CDRT4: variants seen among roughly 807,000 people sequenced by gnomAD.
CDRT4 encodes CMT1A duplicated region transcript 4 protein.
For synonymous variants in CDRT4, 64 were observed against 69.6 expected, an observed-to-expected ratio of 0.92 and a Z score of 0.40; for missense variants, 167 against 193.1, an observed-to-expected ratio of 0.87 and a Z score of 0.80.
At chr17:15,441,307 T>C (rs550180727) in intron 2 of CDRT4, among the ~76,000 whole-genome samples, 1 of 152,204 alleles carries the variant, frequency 6.6e-6, no homozygotes, top group Non-Finnish European at 1.5e-5. Flanking sequence ...TAGAATCACC[T>C]GGAGACCTTG....
At chr17:15,463,273 G>C (rs931615119) in intron 1 of CDRT4, among the ~76,000 whole-genome samples, 1 of 152,022 alleles carries the variant, frequency 6.6e-6, no homozygotes, top group Non-Finnish European at 1.5e-5. Context: ...GGTGGAGAAC[G>C]CAAAGCCTGG....
At chr17:15,465,603 C>T (rs74325536) in intron 1 of CDRT4, among the ~76,000 whole-genome samples, 3,761 of 152,142 alleles carry the variant, frequency 0.025, 152 homozygotes, top group African/African-American at 0.086. Flanking sequence ...CACAGACACA[C>T]ATACACCAGC....
At chr17:15,448,250 C>T (rs1230052458) in intron 2 of CDRT4, among the ~76,000 whole-genome samples, 1 of 152,130 alleles carries the variant, frequency 6.6e-6, no homozygotes, top group East Asian at 1.9e-4. Context: ...AGAAGAAGCC[C>T]CAGTCTCCAC....
intron 1 of CDRT4, among the ~76,000 whole-genome samples, chr17:15,460,250 G>T (rs1173274967): frequency 6.6e-6 from 1 of 151,952 alleles, no homozygotes; most frequent in Non-Finnish European, 1.5e-5. Context: ...CACCCCTAAT[G>T]AACCTGTTGC....
At chr17:15,456,407 G>C (rs1246850830) in intron 1 of CDRT4, among the ~76,000 whole-genome samples, 1 of 152,124 alleles carries the variant, frequency 6.6e-6, no homozygotes, top group Non-Finnish European at 1.5e-5. Flanking sequence ...TGAAAACTAA[G>C]TAAAAATGTT....
At chr17:15,456,760 G>A (rs979271816) in intron 1 of CDRT4, among the ~76,000 whole-genome samples, 34 of 152,254 alleles carry the variant, frequency 2.2e-4, no homozygotes, top group African/African-American at 7.9e-4. Flanking sequence ...ACTCTGTGGA[G>A]CCCTGGTCAT....
At position 15,447,572 on chromosome 17, in the gene CDRT4, C is replaced by T. The variant is rs560089944; in HGVS notation, c.-48+5432G>A. 4.9e-4 allele frequency among the ~76,000 whole-genome samples: 74 copies of T among 152,196 alleles called. 2 individuals are homozygous for T. Among genetic ancestry groups the T allele is most frequent in the Non-Finnish European group, 1.5e-4 (10 of 68,010 alleles). On this transcript the variant is annotated intron_variant, in intron 2 of 3. Coordinates refer to ENST00000619038, the MANE Select transcript of CDRT4 (RefSeq NM_001204477.2). ...GAAGAAACACTTTATAAATTCACTG[C>T]GGGAAGAAGCATTAGGCACTGTATA... is the stretch of plus-strand genomic sequence containing the variant.
At chr17:15,459,726 A>C (rs1171211667) in intron 1 of CDRT4, among the ~76,000 whole-genome samples, 1 of 152,028 alleles carries the variant, frequency 6.6e-6, no homozygotes, top group East Asian at 1.9e-4. Flanking sequence ...GATTACAGGC[A>C]TGAGCCACCG....
Position 15,459,726 on chromosome 17 carries a change from A to G in CDRT4, c.-129-6641T>C, listed in dbSNP as rs1171211667. Among the ~76,000 whole-genome samples, 6 of 152,028 alleles carry G rather than the reference A, an allele frequency of 3.9e-5. No homozygotes were observed. The South Asian group carries it at 8.3e-4, about 21-fold the overall frequency. Reference sequence around the variant, plus strand: ...CTCCCAAAGTGCTGGGATTACAGGCATGAGCCACCGTGCCCAGCCTCTACT... The same window carrying G: ...CTCCCAAAGTGCTGGGATTACAGGCGTGAGCCACCGTGCCCAGCCTCTACT... On this transcript the variant is annotated intron_variant, in intron 1 of 3. Coordinates refer to ENST00000619038, the MANE Select transcript of CDRT4 (RefSeq NM_001204477.2).
chr17:15,448,772 G>A (rs1047170161), intron 2 of CDRT4, among the ~76,000 whole-genome samples: 2 of 152,060 alleles, frequency 1.3e-5, no homozygotes, highest in East Asian at 1.9e-4. Flanking sequence ...TCACCTGCCC[G>A]GTTGCTGCCA....
chr17:15,462,862 C>A (rs767740793), intron 1 of CDRT4, among the ~76,000 whole-genome samples: 1 of 152,138 alleles, frequency 6.6e-6, no homozygotes, highest in Non-Finnish European at 1.5e-5. Flanking sequence ...TAGAAGCTAG[C>A]AGTGTTGCAT....
intron 2 of CDRT4, among the ~76,000 whole-genome samples, chr17:15,444,714 C>CAGAGAGAAAG (rs148998962): frequency 7.4e-6 from 1 of 135,856 alleles, no homozygotes; most frequent in Admixed American, 7.5e-5. Context: ...TAGCCAAGCG[C>CAGAGAGAAAG]AGAGAGAGAG....
chr17:15,448,915 G>A (rs1248473640), intron 2 of CDRT4, among the ~76,000 whole-genome samples: 1 of 152,138 alleles, frequency 6.6e-6, no homozygotes, highest in Non-Finnish European at 1.5e-5. Context: ...CAGACCTCCA[G>A]CCCAGCAGTC....
chr17:15,443,984 A>C (rs1331393899), intron 2 of CDRT4: 2 of 732,300 alleles, frequency 2.7e-6, no homozygotes, highest in African/African-American at 3.4e-5. Flanking sequence ...TCTTGGGTGA[A>C]AAATACATCC....
rs184570389 is a variant in CDRT4 at position 15,438,005 on chromosome 17, G to A, written c.227C>T (p.Pro76Leu). The A allele has an allele frequency of 1.5e-4, 246 of 1,614,090 alleles. 2 individuals carry two copies. In the East Asian group the frequency reaches 4.7e-3, roughly 31 times the overall value. ...RQNKPSSVIQ[P>L]KRRKSSKSSG... Reference sequence around the variant, plus strand: ...AGACTTGGAAGACTTCCTCCTTTTCGGCTGAATGACGCTGGAAGGTTTATT... The same window carrying A: ...AGACTTGGAAGACTTCCTCCTTTTCAGCTGAATGACGCTGGAAGGTTTATT... Residue 76 changes from proline to leucine, a missense_variant, in exon 4 of 4, where the codon CCG (proline) becomes CTG (leucine). Transcript: ENST00000619038.
At chr17:15,453,635 A>C (rs1186268329) in intron 1 of CDRT4, among the ~76,000 whole-genome samples, 1 of 152,186 alleles carries the variant, frequency 6.6e-6, no homozygotes, top group Admixed American at 6.5e-5. Context: ...GTTCTGCAAT[A>C]TTATTGTGTA....
chr17:15,462,017 A>C (rs1357316988), intron 1 of CDRT4, among the ~76,000 whole-genome samples: 4 of 152,192 alleles, frequency 2.6e-5, no homozygotes, highest in African/African-American at 9.7e-5. Flanking sequence ...GAGTCCCTTA[A>C]AAAATTAGTA....
chr17:15,443,925 A>T, intron 2 of CDRT4: 2 of 658,210 alleles, frequency 3.0e-6, no homozygotes, highest in Non-Finnish European at 5.8e-6. Context: ...TCACTTCCCC[A>T]TCAATGTTGT....
intron 2 of CDRT4, among the ~76,000 whole-genome samples, chr17:15,448,660 G>A (rs1422906410): frequency 6.6e-6 from 1 of 152,184 alleles, no homozygotes; most frequent in Non-Finnish European, 1.5e-5. Context: ...TTGTTCCGGA[G>A]CCTGGAGGCA....
Sources: allele counts gnomAD v4.1 joint callset (sites outside exome capture counted in the v4.1 genomes callset), GRCh38; gene constraint gnomAD v4.1.1; transcripts MANE v1.5; gene names NCBI Gene and HGNC (gene_info 2026-07-23, HGNC 2026-07-21).